ZNF641: variants seen among roughly 807,000 people sequenced by gnomAD.
ZNF641 encodes the protein zinc finger protein 641.
In ZNF641, 26 loss-of-function variants were observed where a neutral mutation model predicts 46.2. The ratio of observed to expected loss-of-function variants is 0.56; its 90% confidence interval spans 0.41 to 0.78. ZNF641 has a LOEUF of 0.78. Among genes scored for constraint, ZNF641 ranks in the 30% least tolerant of loss-of-function variants. ZNF641 has a pLI of 0.00. For synonymous variants in ZNF641, 163 were observed against 187.9 expected (o/e 0.87, Z 1.09); for missense variants, 469 against 517.8 (o/e 0.91, Z 0.91).
At position 48,341,915 on chromosome 12, in the gene ZNF641, A is replaced by T; in HGVS notation, c.*1058T>A. 1 of 985,442 alleles carries T rather than the reference A, an allele frequency of 1.0e-6. No individual in the cohort carries two copies. The highest frequency in any genetic ancestry group is 1.2e-6 in the Non-Finnish European group (1 of 829,954). 61.0% of individuals were successfully genotyped at this position (985,442 alleles called of 1,614,324 possible). A position where few individuals can be genotyped will look rare whatever the true frequency, so the allele number is the denominator to read the frequency against. ...TAACCCTTTCCACTAGTTCTCCCTTAACCAGACTGCTTCCTGTCTTGAAAC... is the reference window on the plus strand; with the variant it reads ...TAACCCTTTCCACTAGTTCTCCCTTTACCAGACTGCTTCCTGTCTTGAAAC... On this transcript the variant is annotated 3_prime_UTR_variant, in exon 6 of 6. Coordinates refer to ENST00000547026, the MANE Select transcript of ZNF641 (RefSeq NM_001172681.2).
rs758233336 is a variant in ZNF641, at chr12:48,345,491, C to T, written c.277-17G>A. On this transcript the variant is annotated splice_polypyrimidine_tract_variant and intron_variant, in intron 3 of 5. Coordinates refer to ENST00000547026, the MANE Select transcript of ZNF641 (RefSeq NM_001172681.2). ...TACCAGGCCCTGAAACAAAATGTAGCATCTTCTGTCAGCAGCTGTTTTTTA... is the reference window on the plus strand; with the variant it reads ...TACCAGGCCCTGAAACAAAATGTAGTATCTTCTGTCAGCAGCTGTTTTTTA... 6 of 1,613,722 alleles carry T rather than the reference C, an allele frequency of 3.7e-6. No individual in the cohort carries two copies. In the South Asian group the frequency reaches 6.6e-5, roughly 18 times the overall value.
At position 48,343,526 on chromosome 12, in the gene ZNF641, G is replaced by A. The variant is rs1952777308; in HGVS notation, c.722C>T (p.Thr241Ile). The change falls in exon 6 of 6, where the codon ACA (threonine) becomes ATA (isoleucine). Residue 241 changes from threonine (T) to isoleucine (I), a missense_variant. Physicochemically the swap from Thr to Ile is moderately conservative, Grantham distance 89 (BLOSUM62 -1). This residue lies in a region of ZNF641 where 346 missense variants were observed against 354.0 expected (regional missense o/e 0.98). Coordinates refer to ENST00000547026, the MANE Select transcript of ZNF641 (RefSeq NM_001172681.2). ...GGGTCTTAACAGGGAATCCATCTCT[G>A]TGCTACACAGCAGGTTTGAGAAACT... ...EDSFSNLLCS[T>I]EMDSLLRPHT... 6.2e-7 allele frequency: 1 copy of A among 1,611,176 alleles called. No individual in the cohort carries two copies. Among genetic ancestry groups the A allele is most frequent in the Admixed American group, 1.7e-5 (1 of 59,940 alleles).
At chr12:48,344,808 G>C in intron 4 of ZNF641, 96 bp from the exon 5 acceptor site, 1 of 749,286 alleles carries the variant, frequency 1.3e-6, no homozygotes, top group South Asian at 1.9e-5. Flanking sequence ...CTATTGTTTG[G>C]AACTCTAGAC....
chr12:48,350,039 T>C (rs747654058), intron 1 of ZNF641: 1 of 1,614,204 alleles, frequency 6.2e-7, no homozygotes, highest in East Asian at 2.2e-5. Flanking sequence ...AAGGATGGGA[T>C]GGGTACCTGT....
downstream of ZNF641, among the ~76,000 whole-genome samples, chr12:48,336,567 A>AG (rs1952606402): frequency 6.6e-6 from 1 of 152,134 alleles, no homozygotes; most frequent in South Asian, 2.1e-4. Flanking sequence ...CCTGTCCAAG[A>AG]GGGGAGGCTT....
Position 48,341,450 on chromosome 12 carries a change from G to C in ZNF641, c.*1523C>G, listed in dbSNP as rs1473362386. The C allele has an allele frequency of 2.0e-6, 2 of 985,346 alleles. No individual in the cohort carries two copies. The highest frequency in any genetic ancestry group is 6.1e-5 in the Admixed American group (1 of 16,262). The allele number at this position is 985,346 out of a possible 1,614,324, so 61.0% of individuals were successfully genotyped here. A position where few individuals can be genotyped will look rare whatever the true frequency, so the allele number is the denominator to read the frequency against. On this transcript the variant is annotated 3_prime_UTR_variant, in exon 6 of 6. Transcript: ENST00000547026. The stretch of plus-strand genomic sequence containing the variant: ...CTAGAATACTTATGCAAGCCCTAGA[G>C]TTAAGGGTCTTAGTGTGGACACCTT...
Position 48,343,096 on chromosome 12 carries a change from C to T in ZNF641, c.1152G>A (p.Lys384=). Reference sequence around the variant, plus strand: ...TCTCACAGCGAGGGCACTGGAAGGGCTTCTCCCCAGTGTGGGTCAGCCAGT... The same window carrying T: ...TCTCACAGCGAGGGCACTGGAAGGGTTTCTCCCCAGTGTGGGTCAGCCAGT... ...VRHWLTHTGE[K]PFQCPRCEKS... Residue 384 remains lysine (K), a synonymous_variant, in exon 6 of 6, where the codon AAG becomes AAA. Coordinates refer to ENST00000547026, the MANE Select transcript of ZNF641 (RefSeq NM_001172681.2). The T allele has an allele frequency of 6.2e-7, 1 of 1,614,242 alleles. No individual in the cohort carries two copies. Among genetic ancestry groups the T allele is most frequent in the Non-Finnish European group, 8.5e-7 (1 of 1,180,036 alleles).
chr12:48,334,663 A>G (rs1027204291), downstream of ZNF641, among the ~76,000 whole-genome samples: 11 of 145,128 alleles, frequency 7.6e-5, no homozygotes, highest in Admixed American at 2.1e-4. Context: ...GCAATGAGAA[A>G]ATCAAACATT....
intron 1 of ZNF641, among the ~76,000 whole-genome samples, chr12:48,348,682 G>A (rs1235403145): frequency 6.6e-6 from 1 of 152,164 alleles, no homozygotes; most frequent in African/African-American, 2.4e-5. Flanking sequence ...TCAATAAAAA[G>A]GCACTTGGTC....
chr12:48,348,741 T>A (rs2732465), intron 1 of ZNF641, among the ~76,000 whole-genome samples: 17 of 152,084 alleles, frequency 1.1e-4, no homozygotes, highest in Admixed American at 1.3e-4. Context: ...AACTGATAAC[T>A]TGGAAAGCAG....
At chr12:48,350,571 C>T in intron 1 of ZNF641, 1 of 163,544 alleles carries the variant, frequency 6.1e-6, no homozygotes, top group Non-Finnish European at 1.3e-5. Context: ...GCGGCGGGAG[C>T]CCGCAGGGCC....
chr12:48,350,378 G>A (rs756464996), intron 1 of ZNF641: 18 of 472,506 alleles, frequency 3.8e-5, no homozygotes, highest in Non-Finnish European at 6.0e-5. Context: ...GCCTGCTCAG[G>A]GGTAAGGTTG....
At chr12:48,335,978 G>T (rs1952601772), downstream of ZNF641, among the ~76,000 whole-genome samples, 1 of 152,182 alleles carries the variant, frequency 6.6e-6, no homozygotes, top group Admixed American at 6.5e-5. Context: ...TTGGATTTGA[G>T]TTGTAACGAA....
chr12:48,351,031 A>AGAGGAGTGGGAGGGG (rs1298971685), upstream of ZNF641: 1 of 56,110 alleles, frequency 1.8e-5, no homozygotes, highest in Non-Finnish European at 4.0e-5. Flanking sequence ...AGTGGGAGGG[A>AGAGGAGTGGGAGGGG]GGGAGGGAGG....
rs773921648 is a variant in ZNF641, at chr12:48,339,842, G to A, written c.*3131C>T. The A allele has an allele frequency of 2.8e-5, 22 of 792,094 alleles. No individual in the cohort carries two copies. Among genetic ancestry groups the A allele is most frequent in the South Asian group, 1.7e-4 (3 of 17,506 alleles). The allele number at this position is 792,094 out of a possible 1,614,324, so 49.1% of individuals were successfully genotyped here. ...TTCCTTCCACAATTAGAACTAAGGCGTAAAGTGTAAATAGCCTGGTGAAAA... is the reference window on the plus strand; with the variant it reads ...TTCCTTCCACAATTAGAACTAAGGCATAAAGTGTAAATAGCCTGGTGAAAA... On this transcript the variant is annotated 3_prime_UTR_variant, in exon 6 of 6. Coordinates refer to ENST00000547026, the MANE Select transcript of ZNF641 (RefSeq NM_001172681.2).
In ZNF641 at chr12:48,343,013, C is replaced by T; in HGVS notation, c.1235G>A (p.Ser412Asn). ...TCCTCTGTCCCAGCTGTTCCGGGGACTTTGTCCCTGGTGGGTGAGCAGGTG... is the reference window on the plus strand; with the variant it reads ...TCCTCTGTCCCAGCTGTTCCGGGGATTTTGTCCCTGGTGGGTGAGCAGGTG... ...DRHLLTHQGQ[S>N]PRNSWDRGTS... The change falls in exon 6 of 6, where the codon AGT becomes AAT. Residue 412 changes from serine (S) to asparagine (N), a missense_variant. Ser to Asn is a conservative substitution (Grantham distance 46, BLOSUM62 1). Coordinates refer to ENST00000547026, the MANE Select transcript of ZNF641 (RefSeq NM_001172681.2). 6.2e-7 allele frequency: 1 copy of T among 1,614,100 alleles called. No homozygotes were observed. Among genetic ancestry groups the T allele is most frequent in the South Asian group, 1.1e-5 (1 of 91,066 alleles).
At position 48,347,379 on chromosome 12, in the gene ZNF641, G is replaced by A. The variant is rs367964697; in HGVS notation, c.185-36C>T. 43 of 1,559,610 alleles carry A rather than the reference G, an allele frequency of 2.8e-5. 1 individual carries two copies. Among genetic ancestry groups the A allele is most frequent in the African/African-American group, 2.7e-4 (20 of 73,240 alleles). ...GAGAGAAGAAACATTAGAGAATAACGATCTACCCTTTCTCAATGGGGCCTG... is the reference window on the plus strand; with the variant it reads ...GAGAGAAGAAACATTAGAGAATAACAATCTACCCTTTCTCAATGGGGCCTG... On this transcript the variant is annotated intron_variant, in intron 2 of 5. Coordinates refer to ENST00000547026, the MANE Select transcript of ZNF641 (RefSeq NM_001172681.2).
rs989171413 is a variant in ZNF641 at position 48,347,194 on chromosome 12, G to A, written c.276+58C>T. Reference sequence around the variant, plus strand: ...AACTCATCAATGGGCTGATGCGAAAGCAATACAAAGGCAGCAGTGATGGGA... The same window carrying A: ...AACTCATCAATGGGCTGATGCGAAAACAATACAAAGGCAGCAGTGATGGGA... On this transcript the variant is annotated intron_variant, in intron 3 of 5. Transcript: ENST00000547026. The A allele has an allele frequency of 2.5e-6, 4 of 1,612,802 alleles. No individual in the cohort carries two copies. In the Admixed American group the frequency reaches 5.0e-5, roughly 20 times the overall value.
At chr12:48,347,743 G>T (rs1290535482) in intron 2 of ZNF641, among the ~76,000 whole-genome samples, 164 bp downstream of exon 2, 1 of 152,230 alleles carries the variant, frequency 6.6e-6, no homozygotes, top group East Asian at 1.9e-4. Flanking sequence ...GCTGAATTCA[G>T]GAGCCTATTC....
Sources: gnomAD v4.1 joint callset for allele counts (sites outside exome capture counted in the v4.1 genomes callset) on GRCh38, gnomAD v4.1.1 for gene constraint, gnomAD v4.1.1 regional missense constraint, MANE v1.5 for transcripts, NCBI Gene and HGNC (gene_info 2026-07-23, HGNC 2026-07-21) for gene names.